The following DIP2B variants were observed in gnomAD, a reference collection of about 807,000 sequenced individuals.
DIP2B encodes the protein disco-interacting protein 2 homolog B.
DIP2B carries 76 observed loss-of-function variants against 198.0 expected under a neutral mutation model. The observed-to-expected ratio is 0.38, with a 90% CI of 0.32 to 0.46. DIP2B has a LOEUF of 0.46. DIP2B is among the 20% of genes least tolerant of loss of function. DIP2B has a pLI of 0.99. For missense variants in DIP2B, 1,559 were observed against 1,978.4 expected (o/e 0.79, Z 4.02); for synonymous variants, 701 against 739.1 (o/e 0.95, Z 0.84).
chr12:50,637,418 A>G (rs1938180020), intron 2 of DIP2B, among the ~76,000 whole-genome samples: 1 of 151,944 alleles, frequency 6.6e-6, no homozygotes, highest in African/African-American at 2.4e-5. Flanking sequence ...TTTCTCCCTC[A>G]CTGGGCTTCT....
intron 1 of DIP2B, among the ~76,000 whole-genome samples, chr12:50,564,380 A>C (rs1958545745): frequency 6.6e-6 from 1 of 152,148 alleles, no homozygotes; most frequent in African/African-American, 2.4e-5. Context: ...TATGCATAAG[A>C]GTAGATTGCT....
chr12:50,712,943 A>G (rs970933031), intron 22 of DIP2B, among the ~76,000 whole-genome samples: 39 of 152,304 alleles, frequency 2.6e-4, no homozygotes, highest in African/African-American at 8.9e-4. Context: ...TTCCATAAAA[A>G]TGAGAAATTC....
chr12:50,706,253 G>T (rs1565877523), intron 20 of DIP2B, among the ~76,000 whole-genome samples: 1 of 152,106 alleles, frequency 6.6e-6, no homozygotes, highest in Admixed American at 6.5e-5. Context: ...CTATGCTTGG[G>T]TGGAATCCTA....
At chr12:50,683,847 C>T (rs1939087277) in intron 10 of DIP2B, among the ~76,000 whole-genome samples, 1 of 152,016 alleles carries the variant, frequency 6.6e-6, no homozygotes, top group South Asian at 2.1e-4. Flanking sequence ...CATGGTGGCT[C>T]ACGCCTGTAA....
At chr12:50,724,619 C>T (rs1939897782) in intron 27 of DIP2B, among the ~76,000 whole-genome samples, 156 bp from the exon 28 acceptor site, 1 of 152,130 alleles carries the variant, frequency 6.6e-6, no homozygotes, top group African/African-American at 2.4e-5. Flanking sequence ...AGGAAACATG[C>T]AAGGGAGTAA....
intron 1 of DIP2B, among the ~76,000 whole-genome samples, chr12:50,612,732 C>T (rs759365857): frequency 1.3e-5 from 2 of 152,160 alleles, no homozygotes; most frequent in African/African-American, 4.8e-5. Context: ...CCCAGCCTTT[C>T]CCATAATAAC....
rs764826848 is a variant in DIP2B, at chr12:50,727,753, G to A, written c.3451G>A (p.Glu1151Lys). Reference sequence around the variant, plus strand: ...TCAGCTGTATAAACCGCCCACTCCTGAGATGTTGGCATATCTTGATTTTAG... The same window carrying A: ...TCAGCTGTATAAACCGCCCACTCCTAAGATGTTGGCATATCTTGATTTTAG... ...LPQLYKPPTP[E>K]MLAYLDFSVS... The change falls in exon 29 of 38, where the codon GAG (glutamate) becomes AAG (lysine). Residue 1151 changes from glutamate to lysine, a missense_variant. Transcript: ENST00000301180. 1 of 1,614,188 alleles carries A rather than the reference G, an allele frequency of 6.2e-7. No individual in the cohort carries two copies. Among genetic ancestry groups the A allele is most frequent in the East Asian group, 2.2e-5 (1 of 44,884 alleles).
rs187729943 is a variant in DIP2B, at chr12:50,638,979, A to G, written c.173-1745A>G. Reference sequence around the variant, plus strand: ...TGTGAGCATTAGACAGGAGCTCAAAAAGTTTCGGATTTGGGTATTTGGGGT... The same window carrying G: ...TGTGAGCATTAGACAGGAGCTCAAAGAGTTTCGGATTTGGGTATTTGGGGT... On this transcript the variant is annotated intron_variant, in intron 2 of 37. Coordinates refer to ENST00000301180, the MANE Select transcript of DIP2B (RefSeq NM_173602.3). 6.6e-5 allele frequency among the ~76,000 whole-genome samples: 10 copies of G among 152,184 alleles called. No individual in the cohort carries two copies. The East Asian group carries it at 1.5e-3, about 24-fold the overall frequency.
At chr12:50,708,604 C>T in intron 22 of DIP2B, 42 bp downstream of exon 22, 2 of 1,465,732 alleles carry the variant, frequency 1.4e-6, no homozygotes, top group South Asian at 2.4e-5. Context: ...GCGGTGGCAG[C>T]AACCACTGCC....
chr12:50,692,072 T>A lies in DIP2B; in HGVS notation c.1655-877T>A, dbSNP rs193035773. On this transcript the variant is annotated intron_variant, in intron 13 of 37. Coordinates refer to ENST00000301180, the MANE Select transcript of DIP2B (RefSeq NM_173602.3). ...AGAGCAAGACTCTGTCTCAAAAAAA[T>A]ATATATATATATAATACATTCATAT... Among the ~76,000 whole-genome samples, 874 of 151,142 alleles carry A rather than the reference T, an allele frequency of 5.8e-3. 1 individual carries two copies. Among genetic ancestry groups the A allele is most frequent in the African/African-American group, 0.01 (426 of 41,284 alleles).
chr12:50,583,959 C>T (rs1317590221), intron 1 of DIP2B, among the ~76,000 whole-genome samples: 1 of 152,180 alleles, frequency 6.6e-6, no homozygotes, highest in African/African-American at 2.4e-5. Context: ...CACCAAGGTC[C>T]CCAGTGAGGG....
At chr12:50,562,987 A>G (rs181558253) in intron 1 of DIP2B, among the ~76,000 whole-genome samples, 1 of 152,326 alleles carries the variant, frequency 6.6e-6, no homozygotes, top group Non-Finnish European at 1.5e-5. Context: ...TAGCTGCCAC[A>G]AAAAACCTAT....
rs987073091 is a variant in DIP2B, at chr12:50,739,706, T to C, written c.4354+120T>C. 3 of 1,203,936 alleles carry C rather than the reference T, an allele frequency of 2.5e-6. No individual in the cohort carries two copies. The East Asian group carries it at 7.6e-5, about 31-fold the overall frequency. The allele number at this position is 1,203,936 out of a possible 1,614,324, so 74.6% of individuals were successfully genotyped here. A position where few individuals can be genotyped will look rare whatever the true frequency, so the allele number is the denominator to read the frequency against. On this transcript the variant is annotated intron_variant, in intron 36 of 37. Coordinates refer to ENST00000301180, the MANE Select transcript of DIP2B (RefSeq NM_173602.3). Reference sequence around the variant, plus strand: ...TTTAGTTACTCCCTTCGGTGACTCTTAAACCCATAAGTGACTCTCTCTTCA... The same window carrying C: ...TTTAGTTACTCCCTTCGGTGACTCTCAAACCCATAAGTGACTCTCTCTTCA...
At chr12:50,699,306 G>A (rs1565875118) in intron 19 of DIP2B, 104 bp downstream of exon 19, 1 of 1,499,910 alleles carries the variant, frequency 6.7e-7, no homozygotes, top group East Asian at 2.3e-5. Flanking sequence ...GTGGTTGAGA[G>A]TGTGTACTCT....
At chr12:50,640,141 G>A (rs1938228835) in intron 2 of DIP2B, among the ~76,000 whole-genome samples, 1 of 152,012 alleles carries the variant, frequency 6.6e-6, no homozygotes, top group Admixed American at 6.5e-5. Context: ...AATCATTTGA[G>A]ATAAAAAGGC....
At chr12:50,554,486 A>C (rs1373531969) in intron 1 of DIP2B, among the ~76,000 whole-genome samples, 1 of 152,048 alleles carries the variant, frequency 6.6e-6, no homozygotes, top group African/African-American at 2.4e-5. Context: ...TCTTAGTTGC[A>C]TGAATCTGCC....
At chr12:50,578,409 C>T (rs1958682564) in intron 1 of DIP2B, among the ~76,000 whole-genome samples, 1 of 151,916 alleles carries the variant, frequency 6.6e-6, no homozygotes, top group Admixed American at 6.6e-5. Context: ...GTTATACGTA[C>T]CTTCTAAATT....
At chr12:50,603,020 C>T (rs1462547975) in intron 1 of DIP2B, among the ~76,000 whole-genome samples, 30 of 148,584 alleles carry the variant, frequency 2.0e-4, no homozygotes, top group African/African-American at 4.0e-4. Context: ...AAAAATTAGC[C>T]GGGCGTGGTG....
chr12:50,514,447 C>G (rs1470885162), intron 1 of DIP2B, among the ~76,000 whole-genome samples: 1 of 152,164 alleles, frequency 6.6e-6, no homozygotes, highest in Non-Finnish European at 1.5e-5. Flanking sequence ...GCAGACTCAT[C>G]TGTATCAGTT....
Sources: allele counts gnomAD v4.1 joint callset (sites outside exome capture counted in the v4.1 genomes callset), GRCh38; gene constraint gnomAD v4.1.1; transcripts MANE v1.5; gene names NCBI Gene and HGNC (gene_info 2026-07-23, HGNC 2026-07-21).